MAPT: variants seen among roughly 807,000 people sequenced by gnomAD.
The protein encoded by MAPT is microtubule associated protein tau.
MAPT carries 34 observed loss-of-function variants against 67.9 expected under a neutral mutation model. The ratio of observed to expected loss-of-function variants is 0.50; its 90% CI spans 0.38 to 0.67. MAPT has a LOEUF of 0.67. MAPT is among the 30% of genes least tolerant of loss of function. The pLI, the probability that MAPT is intolerant of heterozygous loss-of-function variation, is 0.00. For synonymous variants in MAPT, 456 were observed against 464.5 expected (o/e 0.98, Z 0.23); for missense variants, 881 against 1,115.2 (o/e 0.79, Z 2.99).
intron 1 of MAPT, among the ~76,000 whole-genome samples, chr17:45,956,236 G>C (rs941801109): frequency 6.6e-6 from 1 of 152,186 alleles, no homozygotes; most frequent in Non-Finnish European, 1.5e-5. Context: ...GCAGTGGGCT[G>C]GGGCTGGCAG....
chr17:45,991,636 G>A lies in MAPT; in HGVS notation c.1732+50G>A, dbSNP rs895572645. 1.9e-6 allele frequency: 3 copies of A among 1,613,360 alleles called. No homozygotes were observed. The African/African-American group carries it at 4.0e-5, about 22-fold the overall frequency. On this transcript the variant is annotated intron_variant, in intron 8 of 12. Transcript: ENST00000262410. Reference sequence around the variant, plus strand: ...TTAGAGGAAGCTGAAGCTCTCAGAGGTACAGCCTTCATTTTAGGAGGCCTT... The same window carrying A: ...TTAGAGGAAGCTGAAGCTCTCAGAGATACAGCCTTCATTTTAGGAGGCCTT...
chr17:46,018,542 C>T (rs1295349282), intron 11 of MAPT, 76 bp from the exon 12 acceptor site: 7 of 1,096,852 alleles, frequency 6.4e-6, no homozygotes, highest in African/African-American at 1.5e-5. Flanking sequence ...AGACTGCAGA[C>T]CTCATGTAAT....
chr17:45,965,322 T>C (rs1194099472), intron 2 of MAPT, among the ~76,000 whole-genome samples: 1 of 151,648 alleles, frequency 6.6e-6, no homozygotes, highest in Non-Finnish European at 1.5e-5. Flanking sequence ...CCCAGCTACT[T>C]GGGAGGCTGA....
At chr17:45,968,108 A>G (rs77513497) in intron 2 of MAPT, among the ~76,000 whole-genome samples, 21,962 of 152,044 alleles carry the variant, frequency 0.14, 2,136 homozygotes, top group Non-Finnish European at 0.22. Context: ...CACAAACTAT[A>G]ACCCACAAGC....
intron 1 of MAPT, among the ~76,000 whole-genome samples, chr17:45,901,943 CA>C (rs2063641065): frequency 6.6e-6 from 1 of 150,476 alleles, no homozygotes; most frequent in Non-Finnish European, 1.5e-5. Flanking sequence ...TGGTCTTTAC[CA>C]TCCCATTTGA....
chr17:46,014,273 A>G lies in MAPT; in HGVS notation c.2122A>G (p.Ser708Gly), dbSNP rs778925207. 3.1e-6 allele frequency: 5 copies of G among 1,613,960 alleles called. No individual in the cohort carries two copies. The highest frequency in any genetic ancestry group is 4.2e-6 in the Non-Finnish European group (5 of 1,179,876). ...VQIVYKPVDL[S>G]KVTSKCGSLG... Reference sequence around the variant, plus strand: ...AATAGTCTACAAACCAGTTGACCTGAGCAAGGTGACCTCCAAGTGTGGCTC... The same window carrying G: ...AATAGTCTACAAACCAGTTGACCTGGGCAAGGTGACCTCCAAGTGTGGCTC... Residue 708 changes from serine (S) to glycine (G), a missense_variant, in exon 11 of 13, where the codon AGC becomes GGC. Coordinates refer to ENST00000262410, the MANE Select transcript of MAPT (RefSeq NM_001377265.1).
chr17:46,027,019 C>T lies in MAPT; in HGVS notation c.*2848C>T, dbSNP rs2076832698. 6.6e-6 allele frequency: 1 copy of T among 151,606 alleles called. No homozygotes were observed. The highest frequency in any genetic ancestry group is 1.5e-5 in the Non-Finnish European group (1 of 67,740). The allele number at this position is 151,606 out of a possible 1,614,324, so 9.4% of individuals were successfully genotyped here. ...CCAGAACTCTCCACCAAGAGCCTCC[C>T]TGCCGTTCGCTGAGTCCCAGCAATT... On this transcript the variant is annotated 3_prime_UTR_variant, in exon 13 of 13. Transcript: ENST00000262410.
chr17:46,021,217 G>A (rs550118523), intron 12 of MAPT, among the ~76,000 whole-genome samples: 90 of 152,352 alleles, frequency 5.9e-4, no homozygotes, highest in African/African-American at 2.0e-3. Flanking sequence ...GCACTGGCCC[G>A]TAGCTGGCCG....
chr17:46,004,017 C>G (rs2075233488), intron 9 of MAPT, among the ~76,000 whole-genome samples: 1 of 152,208 alleles, frequency 6.6e-6, no homozygotes, highest in South Asian at 2.1e-4. Context: ...AGCTGATCAC[C>G]TTGGACTTGA....
Position 45,962,351 on chromosome 17 carries a change from G to A in MAPT, c.14G>A (p.Arg5His), listed in dbSNP as rs63750959. 2.4e-5 allele frequency: 39 copies of A among 1,611,930 alleles called. No individual in the cohort carries two copies. In the East Asian group the frequency reaches 6.5e-4, roughly 27 times the overall value. Residue 5 changes from arginine to histidine, a missense_variant, in exon 2 of 13, where the codon CGC becomes CAC. Around this residue, in one of 6 missense-constraint regions of MAPT, gnomAD observed 687 missense variants for 766.1 expected, o/e 0.90. Transcript: ENST00000262410. MAEPRQEFEVMEDHA... is the reference protein window; with the variant it reads MAEPHQEFEVMEDHA... ...CTTTGAACCAGGATGGCTGAGCCCCGCCAGGAGTTCGAAGTGATGGAAGAT... is the reference window on the plus strand; with the variant it reads ...CTTTGAACCAGGATGGCTGAGCCCCACCAGGAGTTCGAAGTGATGGAAGAT...
At chr17:45,908,278 A>C (rs1037504538) in intron 1 of MAPT, 5 of 152,278 alleles carry the variant, frequency 3.3e-5, no homozygotes, top group Non-Finnish European at 5.9e-5. Context: ...CCCCACACAC[A>C]CATGCTTTCC....
chr17:45,941,210 T>A (rs1050214369), intron 1 of MAPT, among the ~76,000 whole-genome samples: 43 of 152,340 alleles, frequency 2.8e-4, no homozygotes, highest in African/African-American at 1.0e-3. Context: ...GAAAATAAAT[T>A]TAAGTTTGAG....
intron 1 of MAPT, among the ~76,000 whole-genome samples, chr17:45,914,771 A>C (rs2065059372): frequency 6.7e-6 from 1 of 149,482 alleles, no homozygotes; most frequent in Non-Finnish European, 1.5e-5. Flanking sequence ...CCCAGGCAGG[A>C]GTGCAGTGGT....
chr17:45,941,768 A>C (rs1264465442), intron 1 of MAPT, among the ~76,000 whole-genome samples: 3 of 122,626 alleles, frequency 2.4e-5, no homozygotes, highest in East Asian at 5.5e-4. Flanking sequence ...GTATGTGACT[A>C]ATTTCTGTTT....
chr17:45,951,031 A>G lies in MAPT; in HGVS notation c.-17-11290A>G, dbSNP rs562485428. Among the ~76,000 whole-genome samples the G allele has an allele frequency of 2.0e-5, 3 of 152,340 alleles. No homozygotes were observed. In the East Asian group the frequency reaches 5.8e-4, roughly 29 times the overall value. On this transcript the variant is annotated intron_variant, in intron 1 of 12. Transcript: ENST00000262410. ...ATGAATGAATAAACCAATGTGGACT[A>G]TCCCTCCCATTACCCAAGGAATGAA...
chr17:45,905,311 T>C (rs2143989333), intron 1 of MAPT, among the ~76,000 whole-genome samples: 1 of 152,352 alleles, frequency 6.6e-6, no homozygotes, highest in Non-Finnish European at 1.5e-5. Flanking sequence ...CTTCCTTTAG[T>C]GGTGAAGTTC....
At position 45,947,541 on chromosome 17, in the gene MAPT, C is replaced by A. The variant is rs749043436; in HGVS notation, c.-17-14780C>A. Among the ~76,000 whole-genome samples the A allele has an allele frequency of 2.6e-5, 4 of 152,182 alleles. 1 individual carries two copies. The Middle Eastern group carries it at 0.014, about 518-fold the overall frequency. ...TAGCTGGGATTACAGGTGCCCACCA[C>A]CACACCCAGCTAATTTTTGTGTTTT... On this transcript the variant is annotated intron_variant, in intron 1 of 12. Transcript: ENST00000262410.
chr17:46,008,689 A>T (rs1035649269), intron 9 of MAPT, among the ~76,000 whole-genome samples: 1 of 152,180 alleles, frequency 6.6e-6, no homozygotes, highest in Non-Finnish European at 1.5e-5. Context: ...TAAGGGGAAA[A>T]AAAACGGGAT....
Position 45,971,008 on chromosome 17 carries a change from C to A in MAPT, c.134-851C>A, listed in dbSNP as rs1326811356. 1.3e-5 allele frequency among the ~76,000 whole-genome samples: 2 copies of A among 152,204 alleles called. No individual in the cohort carries two copies. The highest frequency in any genetic ancestry group is 2.4e-5 in the African/African-American group (1 of 41,452). On this transcript the variant is annotated intron_variant, in intron 2 of 12. Coordinates refer to ENST00000262410, the MANE Select transcript of MAPT (RefSeq NM_001377265.1). This position sits in a 1 kb window ranked among gnomAD's most constrained non-coding sequence, Gnocchi z 4.3. Reference sequence around the variant, plus strand: ...ATTCTCAACCTTCCAGAGTGTAAGGCCTTGACCTGCTCAGCCCTGGATACT... The same window carrying A: ...ATTCTCAACCTTCCAGAGTGTAAGGACTTGACCTGCTCAGCCCTGGATACT...
Sources: gnomAD v4.1 joint callset for allele counts (sites outside exome capture counted in the v4.1 genomes callset) on GRCh38, gnomAD v4.1.1 for gene constraint, gnomAD v4.1.1 regional missense constraint, Gnocchi (gnomAD v3.1) non-coding constraint, MANE v1.5 for transcripts, NCBI Gene and HGNC (gene_info 2026-07-23, HGNC 2026-07-21) for gene names.